The following LOC400499 variants were observed in gnomAD, a reference collection of about 807,000 sequenced individuals.
At chr16:11,395,143 G>A in the LOC400499 span, among the ~76,000 whole-genome samples, 1 of 152,198 alleles carries the variant, frequency 6.6e-6, no homozygotes, top group African/African-American at 2.4e-5. Context: ...ATGGCTCCCA[G>A]CATCTGAGCT....
chr16:11,456,848 C>G, the LOC400499 span: 9 of 1,536,284 alleles, frequency 5.9e-6, no homozygotes, highest in Non-Finnish European at 7.0e-6. Flanking sequence ...GGCCCCACAG[C>G]CAACACTCAC....
chr16:11,523,548 G>A, the LOC400499 span: 1 of 397,790 alleles, frequency 2.5e-6, no homozygotes, highest in African/African-American at 2.1e-5. Flanking sequence ...ATGGGCCACT[G>A]ACCTTACTCT....
chr16:11,391,958 G>C, the LOC400499 span: 4 of 542,112 alleles, frequency 7.4e-6, no homozygotes, highest in Non-Finnish European at 1.1e-5. Context: ...AGCCAGGTCA[G>C]AGGGGGACCT....
At chr16:11,419,633 G>A in the LOC400499 span, among the ~76,000 whole-genome samples, 2,396 of 152,226 alleles carry the variant, frequency 0.016, 60 homozygotes, top group African/African-American at 0.055. Flanking sequence ...CTTCTGCACG[G>A]CAAAAGAAAC....
At chr16:11,425,047 C>T in the LOC400499 span, 1 of 398,284 alleles carries the variant, frequency 2.5e-6, no homozygotes. Flanking sequence ...GGGTTGGAGG[C>T]TCATTTATCC....
At chr16:11,431,019 G>T in the LOC400499 span, 2 of 398,968 alleles carry the variant, frequency 5.0e-6, no homozygotes, top group East Asian at 3.6e-5. Flanking sequence ...CCCCCATGGC[G>T]TTCCCCAGGC....
the LOC400499 span, among the ~76,000 whole-genome samples, chr16:11,498,952 T>C: frequency 6.4e-4 from 93 of 144,448 alleles, 1 homozygote; most frequent in East Asian, 0.016. Flanking sequence ...GTCCTGCTGG[T>C]GAGGAATGGG....
chr16:11,485,495 A>G, the LOC400499 span, among the ~76,000 whole-genome samples: 1 of 151,514 alleles, frequency 6.6e-6, no homozygotes. Context: ...GATGGGGGGG[A>G]GGGTTTCAAA....
the LOC400499 span, among the ~76,000 whole-genome samples, chr16:11,490,240 A>G: frequency 6.6e-6 from 1 of 152,120 alleles, no homozygotes; most frequent in Non-Finnish European, 1.5e-5. Flanking sequence ...CTAAAAGAAT[A>G]CAAAAATTAG....
At chr16:11,423,743 C>T in the LOC400499 span, among the ~76,000 whole-genome samples, 1 of 152,214 alleles carries the variant, frequency 6.6e-6, no homozygotes, top group Non-Finnish European at 1.5e-5. Flanking sequence ...GGGTGTGAGG[C>T]TTCCCCAGGG....
the LOC400499 span, among the ~76,000 whole-genome samples, chr16:11,413,527 G>A: frequency 6.6e-6 from 1 of 152,146 alleles, no homozygotes; most frequent in African/African-American, 2.4e-5. Context: ...AAGTGACAGT[G>A]GTCAGGGCAT....
chr16:11,390,648 C>A, the LOC400499 span, among the ~76,000 whole-genome samples: 5 of 152,196 alleles, frequency 3.3e-5, no homozygotes, highest in African/African-American at 1.2e-4. Flanking sequence ...CAGGCCTGAG[C>A]CGTCTCTGCA....
chr16:11,403,808 G>C, the LOC400499 span, among the ~76,000 whole-genome samples: 1 of 151,640 alleles, frequency 6.6e-6, no homozygotes, highest in East Asian at 1.9e-4. Flanking sequence ...TGTTGGCGCT[G>C]TGTCGGCACT....
the LOC400499 span, among the ~76,000 whole-genome samples, chr16:11,511,853 C>T: frequency 6.6e-6 from 1 of 150,734 alleles, no homozygotes; most frequent in Non-Finnish European, 1.5e-5. Flanking sequence ...ATAGCAAGAC[C>T]CGATTTCTAC....
the LOC400499 span, among the ~76,000 whole-genome samples, chr16:11,408,634 T>G: frequency 0.22 from 34,008 of 151,756 alleles, 4,162 homozygotes; most frequent in Non-Finnish European, 0.28. Context: ...CCTGGCTGAT[T>G]TTTAAATTTT....
the LOC400499 span, among the ~76,000 whole-genome samples, chr16:11,427,640 C>T: frequency 6.6e-6 from 1 of 152,220 alleles, no homozygotes; most frequent in Admixed American, 6.5e-5. Flanking sequence ...GCGACAGAGT[C>T]TCCCTATGTT....
At chr16:11,385,045 G>T in the LOC400499 span, 2 of 1,232,196 alleles carry the variant, frequency 1.6e-6, no homozygotes, top group Non-Finnish European at 2.0e-6. Context: ...CCGGCAGGGA[G>T]GAGTTGTACA....
At chr16:11,432,990 T>C in the LOC400499 span, among the ~76,000 whole-genome samples, 1 of 152,196 alleles carries the variant, frequency 6.6e-6, no homozygotes, top group South Asian at 2.1e-4. Flanking sequence ...CTTTTTAAAA[T>C]CTAGAACAAG....
At chr16:11,401,227 C>G in the LOC400499 span, 1 of 398,710 alleles carries the variant, frequency 2.5e-6, no homozygotes, top group Non-Finnish European at 4.4e-6. Flanking sequence ...GCTCCCACCT[C>G]CAGCCCCGGC....
Sources: allele counts gnomAD v4.1 joint callset (sites outside exome capture counted in the v4.1 genomes callset), GRCh38; gene constraint gnomAD v4.1.1; transcripts MANE v1.5.